The following PCLO variants were observed in gnomAD, a reference collection of about 807,000 sequenced individuals.
PCLO encodes the protein piccolo presynaptic cytomatrix protein, also known as protein piccolo.
In PCLO, 82 loss-of-function variants were observed where a neutral mutation model predicts 427.5. The ratio of observed to expected loss-of-function variants is 0.19; its 90% CI spans 0.16 to 0.23. The LOEUF is 0.23. Among genes scored for constraint, PCLO ranks in the 10% least tolerant of loss-of-function variants. The pLI, the probability that PCLO is intolerant of heterozygous loss-of-function variation, is 1.00. For missense variants in PCLO, 6,239 were observed against 6,115.9 expected, an observed-to-expected ratio of 1.02 and a Z score of -0.67; for synonymous variants, 2,357 against 2,155.4, an observed-to-expected ratio of 1.09 and a Z score of -2.59.
intron 10 of PCLO, among the ~76,000 whole-genome samples, chr7:82,861,650 AC>A (rs1792959448): frequency 6.6e-6 from 1 of 152,056 alleles, no homozygotes; most frequent in Non-Finnish European, 1.5e-5. Context: ...TATTTATAGA[AC>A]ATTTCAGCCA....
chr7:83,162,698 G>A lies in PCLO; in HGVS notation c.-106C>T. Reference sequence around the variant, plus strand: ...AGAGCCGGGGTCCGCCTCGGGGCGTGCAGGCAGCCGAGTCCCTGGACTCTG... The same window carrying A: ...AGAGCCGGGGTCCGCCTCGGGGCGTACAGGCAGCCGAGTCCCTGGACTCTG... On this transcript the variant is annotated 5_prime_UTR_variant, in exon 1 of 25. Transcript: ENST00000333891. The A allele has an allele frequency of 7.2e-7, 1 of 1,382,936 alleles. No homozygotes were observed. Among genetic ancestry groups the A allele is most frequent in the South Asian group, 1.5e-5 (1 of 66,722 alleles). 85.7% of individuals were successfully genotyped at this position (1,382,936 alleles called of 1,614,324 possible). A position where few individuals can be genotyped will look rare whatever the true frequency, so the allele number is the denominator to read the frequency against.
chr7:82,914,388 C>T, intron 7 of PCLO: 1 of 524,960 alleles, frequency 1.9e-6, no homozygotes, highest in Non-Finnish European at 3.3e-6. Flanking sequence ...ATAGGATGAC[C>T]ATATTTTATT....
At chr7:82,920,347 A>G (rs1794566670) in intron 6 of PCLO, among the ~76,000 whole-genome samples, 1 of 151,840 alleles carries the variant, frequency 6.6e-6, no homozygotes, top group Admixed American at 6.6e-5. Flanking sequence ...GTTGTTTACT[A>G]TGGTTTTCTG....
At chr7:82,879,313 T>C (rs907573933) in intron 10 of PCLO, 24 bp downstream of exon 10, 5 of 1,583,604 alleles carry the variant, frequency 3.2e-6, no homozygotes, top group Non-Finnish European at 4.3e-6. Context: ...CATTTTATTT[T>C]ACTGTAAAAT....
chr7:82,783,794 A>T (rs2129468197), intron 22 of PCLO, among the ~76,000 whole-genome samples: 1 of 152,240 alleles, frequency 6.6e-6, no homozygotes, highest in East Asian at 1.9e-4. Context: ...GAAATCAAAC[A>T]AATTCAGATG....
chr7:83,068,573 C>A (rs372100890), intron 3 of PCLO, among the ~76,000 whole-genome samples: 5 of 152,056 alleles, frequency 3.3e-5, no homozygotes, highest in African/African-American at 1.2e-4. Flanking sequence ...ATCAAAATTA[C>A]GAATAAGATA....
Position 83,155,686 on chromosome 7 carries a change from G to C in PCLO, c.955C>G (p.Pro319Ala). The C allele has an allele frequency of 6.2e-7, 1 of 1,614,000 alleles. No homozygotes were observed. Among genetic ancestry groups the C allele is most frequent in the Non-Finnish European group, 8.5e-7 (1 of 1,179,904 alleles). ...CCAGGCTGTGATTTTTCATGTCCAG[G>C]CTGCTGTGCTGGAGGTTTTCCAGGA... ...PTPGKPPAQQ[P>A]GHEKSQPGPA... Residue 319 changes from proline to alanine, a missense_variant, in exon 2 of 25, where the codon CCT becomes GCT. This residue lies in a region of PCLO where 4,677 missense variants were observed against 4,468.4 expected (regional missense o/e 1.05). Transcript: ENST00000333891.
intron 20 of PCLO, chr7:82,821,846 T>G: frequency 1.0e-6 from 1 of 982,392 alleles, no homozygotes; most frequent in Non-Finnish European, 1.2e-6. Flanking sequence ...TTAATGTAGT[T>G]TTTTGAGAAT....
chr7:82,759,246 GA>G (rs1453939988), intron 24 of PCLO, among the ~76,000 whole-genome samples: 2 of 151,532 alleles, frequency 1.3e-5, no homozygotes, highest in Non-Finnish European at 3.0e-5. Flanking sequence ...TCAAACTAAA[GA>G]ATTTTTTTTT....
At chr7:83,096,884 T>TATAAAAA (rs1440595602) in intron 3 of PCLO, among the ~76,000 whole-genome samples, 1 of 53,730 alleles carries the variant, frequency 1.9e-5, no homozygotes, top group African/African-American at 9.1e-5. Context: ...TATAAATATA[T>TATAAAAA]TATATAATAT....
intron 3 of PCLO, among the ~76,000 whole-genome samples, chr7:82,967,457 G>A (rs953408253): frequency 1.3e-5 from 2 of 152,078 alleles, no homozygotes; most frequent in African/African-American, 4.8e-5. Flanking sequence ...TTAGAGACAT[G>A]AGCTACTGTG....
At chr7:83,053,750 G>C (rs572976152) in intron 3 of PCLO, among the ~76,000 whole-genome samples, 1 of 151,858 alleles carries the variant, frequency 6.6e-6, no homozygotes, top group African/African-American at 2.4e-5. Context: ...TTTCAATCTA[G>C]ATAATTACTT....
At chr7:83,001,514 A>ACACG (rs1787823746) in intron 3 of PCLO, among the ~76,000 whole-genome samples, 1 of 151,580 alleles carries the variant, frequency 6.6e-6, no homozygotes. Context: ...AAACACACAC[A>ACACG]CACACACACA....
At chr7:82,925,842 G>A (rs531647943) in intron 6 of PCLO, among the ~76,000 whole-genome samples, 20 of 150,228 alleles carry the variant, frequency 1.3e-4, no homozygotes, top group Admixed American at 1.3e-3. Context: ...CAGCCTCTGA[G>A]GTAGCTGGGA....
chr7:83,030,540 G>A (rs12707538), intron 3 of PCLO, among the ~76,000 whole-genome samples: 15,148 of 152,094 alleles, frequency 0.1, 1,010 homozygotes, highest in Non-Finnish European at 0.14. Flanking sequence ...TTATACTGCA[G>A]TATATCCTAA....
chr7:82,864,914 G>T (rs1793054764), intron 10 of PCLO, among the ~76,000 whole-genome samples: 1 of 152,070 alleles, frequency 6.6e-6, no homozygotes, highest in Non-Finnish European at 1.5e-5. Context: ...GGACTGCTGA[G>T]AATCAGTTCT....
chr7:83,009,501 C>A (rs1788026567), intron 3 of PCLO, among the ~76,000 whole-genome samples: 1 of 151,736 alleles, frequency 6.6e-6, no homozygotes, highest in Non-Finnish European at 1.5e-5. Context: ...GAGATAATAG[C>A]TTGCTTTTCA....
intron 3 of PCLO, among the ~76,000 whole-genome samples, chr7:83,093,344 T>C (rs1015803814): frequency 2.0e-5 from 3 of 146,648 alleles, no homozygotes; most frequent in Admixed American, 6.7e-5. Context: ...TTATATAAAG[T>C]ATTCTATAAA....
intron 3 of PCLO, among the ~76,000 whole-genome samples, chr7:83,133,361 A>G (rs1235879672): frequency 5.9e-5 from 9 of 152,008 alleles, no homozygotes; most frequent in Non-Finnish European, 1.3e-4. Flanking sequence ...CAGACTGTTT[A>G]TTAAAACATT....
Sources: allele counts gnomAD v4.1 joint callset (sites outside exome capture counted in the v4.1 genomes callset), GRCh38; gene constraint gnomAD v4.1.1; regional missense constraint gnomAD v4.1.1; transcripts MANE v1.5; gene names NCBI Gene and HGNC (gene_info 2026-07-23, HGNC 2026-07-21).